The following AGAP1 variants were observed in gnomAD, a reference collection of about 807,000 sequenced individuals.
AGAP1 encodes ArfGAP with GTPase domain, ankyrin repeat and PH domain 1.
AGAP1 carries 29 observed loss-of-function variants against 105.3 expected under a neutral mutation model. The observed-to-expected ratio is 0.28, with a 90% CI of 0.21 to 0.38. The LOEUF (loss-of-function observed/expected upper bound fraction) is 0.38, where lower values mean the gene tolerates loss of function less well. Among genes scored for constraint, AGAP1 ranks in the 10% least tolerant of loss-of-function variants. The pLI is 1.00. For synonymous variants in AGAP1, 509 were observed against 485.9 expected (o/e 1.05, Z -0.63); for missense variants, 998 against 1,165.1 (o/e 0.86, Z 2.09).
intron 12 of AGAP1, among the ~76,000 whole-genome samples, chr2:235,946,147 A>G (rs1285416572): frequency 1.3e-5 from 2 of 151,316 alleles, no homozygotes; most frequent in South Asian, 2.1e-4. Flanking sequence ...TAAAATGCAG[A>G]TAAGCTCTTT....
intron 16 of AGAP1, among the ~76,000 whole-genome samples, chr2:236,054,544 G>A (rs1431773058): frequency 1.3e-5 from 2 of 150,576 alleles, no homozygotes; most frequent in Non-Finnish European, 3.0e-5. Context: ...GGACTTTGCC[G>A]CGATGACCAG....
rs144718623 is a variant in AGAP1, at chr2:236,110,904, G to A, written c.2115-9288G>A. Among the ~76,000 whole-genome samples the A allele has an allele frequency of 1.3e-3, 205 of 152,304 alleles. 1 individual carries two copies. The highest frequency in any genetic ancestry group is 4.7e-3 in the African/African-American group (195 of 41,558). The stretch of plus-strand genomic sequence containing the variant: ...GGAGGCTGGAAAGTCCAAGATAGAG[G>A]CACCGGCAGATTCGGTGTCTGGTTA... On this transcript the variant is annotated intron_variant, in intron 16 of 17. Coordinates refer to ENST00000304032, the MANE Select transcript of AGAP1 (RefSeq NM_001037131.3).
chr2:235,693,210 G>A (rs1559358924), intron 1 of AGAP1, among the ~76,000 whole-genome samples: 1 of 152,194 alleles, frequency 6.6e-6, no homozygotes, highest in Non-Finnish European at 1.5e-5. Flanking sequence ...TAGAGGAGGG[G>A]GCTTTGGGGC....
At chr2:235,648,489 CCT>C (rs1188395380) in intron 1 of AGAP1, among the ~76,000 whole-genome samples, 9 of 152,122 alleles carry the variant, frequency 5.9e-5, no homozygotes, top group African/African-American at 2.2e-4. Context: ...GTTACCTTTC[CCT>C]CTCTGTTGTT....
At position 236,044,680 on chromosome 2, in the gene AGAP1, G is replaced by A. The variant is rs1296650614; in HGVS notation, c.1891+3839G>A. ...CATCCAGGCTCTCATCTTTAGCTTG[G>A]CCCACAAATAGAACCTCCGGTCCCG... is the stretch of plus-strand genomic sequence containing the variant. On this transcript the variant is annotated intron_variant, in intron 15 of 17. Coordinates refer to ENST00000304032, the MANE Select transcript of AGAP1 (RefSeq NM_001037131.3). The surrounding 1 kb of genome is among the most constrained non-coding windows in gnomAD (Gnocchi z 5.7). Among the ~76,000 whole-genome samples, 2 of 152,122 alleles carry A rather than the reference G, an allele frequency of 1.3e-5. No individual in the cohort carries two copies. Among genetic ancestry groups the A allele is most frequent in the South Asian group, 2.1e-4 (1 of 4,820 alleles).
At chr2:235,495,354 A>C (rs1231788700) in intron 1 of AGAP1, among the ~76,000 whole-genome samples, 2 of 152,152 alleles carry the variant, frequency 1.3e-5, no homozygotes, top group Non-Finnish European at 2.9e-5. Context: ...GTGCAGTTGA[A>C]CTTAGTGGAT....
chr2:236,010,392 C>T (rs775760746), intron 13 of AGAP1, among the ~76,000 whole-genome samples: 3 of 152,170 alleles, frequency 2.0e-5, no homozygotes, highest in Non-Finnish European at 4.4e-5. Context: ...GTATATTATG[C>T]CAGGCCTCGT....
rs909383959 is a variant in AGAP1 at position 235,736,578 on chromosome 2, C to T, written c.311-4385C>T. 1.3e-5 allele frequency among the ~76,000 whole-genome samples: 2 copies of T among 152,044 alleles called. No homozygotes were observed. The highest frequency in any genetic ancestry group is 4.8e-5 in the African/African-American group (2 of 41,412). ...AACTGGATGTAAAATTTGATGGTAT[C>T]CTCTAAAATTCTGGTGGAAAAAAGA... On this transcript the variant is annotated intron_variant, in intron 3 of 17. Transcript: ENST00000304032. The surrounding 1 kb of genome is among the most constrained non-coding windows in gnomAD (Gnocchi z 5.5).
chr2:236,115,522 T>C (rs906470378), intron 16 of AGAP1, among the ~76,000 whole-genome samples: 1 of 152,218 alleles, frequency 6.6e-6, no homozygotes, highest in Non-Finnish European at 1.5e-5. Context: ...GGAGCTAAGC[T>C]TTCCCCCTGG....
rs1952275410 is a variant in AGAP1 at position 235,736,711 on chromosome 2, A to G, written c.311-4252A>G. 6.6e-6 allele frequency among the ~76,000 whole-genome samples: 1 copy of G among 152,082 alleles called. No homozygotes were observed. The highest frequency in any genetic ancestry group is 6.5e-5 in the Admixed American group (1 of 15,268). ...CTCATCTATCCAGGTGTGGCGGCAC[A>G]TGTCCGTGGTCCCAGCTACTCAGGG... On this transcript the variant is annotated intron_variant, in intron 3 of 17. Coordinates refer to ENST00000304032, the MANE Select transcript of AGAP1 (RefSeq NM_001037131.3). This position sits in a 1 kb window ranked among gnomAD's most constrained non-coding sequence, Gnocchi z 5.5.
In AGAP1 at chr2:236,005,821, A is replaced by G. The variant is rs1481036162; in HGVS notation, c.1646-30740A>G. On this transcript the variant is annotated intron_variant, in intron 13 of 17. Coordinates refer to ENST00000304032, the MANE Select transcript of AGAP1 (RefSeq NM_001037131.3). The surrounding 1 kb of genome is among the most constrained non-coding windows in gnomAD (Gnocchi z 4.1). Reference sequence around the variant, plus strand: ...TTCCATCCTATCCTGTCAAGGGTATATACCATCAACTTTATTTATGGCTGC... The same window carrying G: ...TTCCATCCTATCCTGTCAAGGGTATGTACCATCAACTTTATTTATGGCTGC... 6.6e-6 allele frequency among the ~76,000 whole-genome samples: 1 copy of G among 152,210 alleles called. No homozygotes were observed. Among genetic ancestry groups the G allele is most frequent in the African/African-American group, 2.4e-5 (1 of 41,434 alleles).
intron 13 of AGAP1, among the ~76,000 whole-genome samples, chr2:235,986,795 A>G (rs2055333023): frequency 6.6e-6 from 1 of 152,186 alleles, no homozygotes; most frequent in Non-Finnish European, 1.5e-5. Flanking sequence ...TGTATGTTGA[A>G]CCAGCCTTGC....
At position 235,635,136 on chromosome 2, in the gene AGAP1, A is replaced by G. The variant is rs77978578; in HGVS notation, c.164-74043A>G. Reference sequence around the variant, plus strand: ...GGTGGTCTAGAGGTACTGTGGTATAAGTAGAAAGAGCAGCTGGACTTAGAG... The same window carrying G: ...GGTGGTCTAGAGGTACTGTGGTATAGGTAGAAAGAGCAGCTGGACTTAGAG... On this transcript the variant is annotated intron_variant, in intron 1 of 17. Transcript: ENST00000304032. The surrounding 1 kb of genome is among the most constrained non-coding windows in gnomAD (Gnocchi z 5.3). Among the ~76,000 whole-genome samples, 1,146 of 152,266 alleles carry G rather than the reference A, an allele frequency of 7.5e-3. 21 individuals are homozygous for G. The highest frequency in any genetic ancestry group is 0.026 in the African/African-American group (1,090 of 41,542).
Position 235,586,568 on chromosome 2 carries a change from T to C in AGAP1, c.163+91719T>C, listed in dbSNP as rs535012403. ...CTCCAGAGGATGCTGTGCACAGGCC[T>C]GTGTGACCTGAAGGCCCTTGCAGGC... On this transcript the variant is annotated intron_variant, in intron 1 of 17. Transcript: ENST00000304032. This position sits in a 1 kb window ranked among gnomAD's most constrained non-coding sequence, Gnocchi z 4.2. Among the ~76,000 whole-genome samples the C allele has an allele frequency of 1.2e-4, 18 of 152,330 alleles. No homozygotes were observed. The East Asian group carries it at 3.5e-3, about 29-fold the overall frequency.
chr2:236,043,720 C>G (rs1489230946), intron 15 of AGAP1, among the ~76,000 whole-genome samples: 1 of 133,594 alleles, frequency 7.5e-6, no homozygotes, highest in Non-Finnish European at 1.6e-5. Flanking sequence ...GATTTCGTCT[C>G]AAGGGAAAAA....
In AGAP1 at chr2:235,551,201, C is replaced by T. The variant is rs906175397; in HGVS notation, c.163+56352C>T. On this transcript the variant is annotated intron_variant, in intron 1 of 17. Coordinates refer to ENST00000304032, the MANE Select transcript of AGAP1 (RefSeq NM_001037131.3). The surrounding 1 kb of genome is among the most constrained non-coding windows in gnomAD (Gnocchi z 4.8). ...CTTGATGTCATCTGAGGTGGGGCCA[C>T]CCGGGAAAGGTCTTCATGTCTCACT... Among the ~76,000 whole-genome samples the T allele has an allele frequency of 2.0e-5, 3 of 152,194 alleles. No homozygotes were observed. Among genetic ancestry groups the T allele is most frequent in the African/African-American group, 7.2e-5 (3 of 41,448 alleles).
chr2:236,028,655 A>G (rs2057130186), intron 13 of AGAP1, among the ~76,000 whole-genome samples: 1 of 152,180 alleles, frequency 6.6e-6, no homozygotes, highest in Non-Finnish European at 1.5e-5. Flanking sequence ...GTCATATACC[A>G]TGTGAATGTC....
At chr2:235,758,269 T>A (rs1268435936) in intron 6 of AGAP1, among the ~76,000 whole-genome samples, 2 of 152,210 alleles carry the variant, frequency 1.3e-5, no homozygotes, top group Non-Finnish European at 2.9e-5. Context: ...GGTGGATTAA[T>A]GGGTCATTAA....
At chr2:235,937,453 C>G (rs995670359) in intron 12 of AGAP1, among the ~76,000 whole-genome samples, 5 of 152,218 alleles carry the variant, frequency 3.3e-5, no homozygotes, top group African/African-American at 1.2e-4. Context: ...TCAGCAGTAG[C>G]TGCTGACCAG....
Sources: gnomAD v4.1 joint callset for allele counts (sites outside exome capture counted in the v4.1 genomes callset) on GRCh38, gnomAD v4.1.1 for gene constraint, Gnocchi (gnomAD v3.1) non-coding constraint, MANE v1.5 for transcripts, NCBI Gene and HGNC (gene_info 2026-07-23, HGNC 2026-07-21) for gene names.